CACNA2D3: variants seen among roughly 807,000 people sequenced by gnomAD.
CACNA2D3 encodes the protein voltage-dependent calcium channel subunit alpha-2/delta-3.
In CACNA2D3, 60 loss-of-function variants were observed where a neutral mutation model predicts 160.6. The ratio of observed to expected loss-of-function variants is 0.37; its 90% CI spans 0.30 to 0.46. CACNA2D3 has a LOEUF of 0.46. Ranked by LOEUF, CACNA2D3 falls within the 20% of genes least tolerant of loss-of-function variation. CACNA2D3 has a pLI of 1.00. For synonymous variants in CACNA2D3, 558 were observed against 492.9 expected (o/e 1.13, Z -1.75); for missense variants, 1,205 against 1,365.0 (o/e 0.88, Z 1.85).
At chr3:54,155,795 C>T (rs1700233993) in intron 2 of CACNA2D3, among the ~76,000 whole-genome samples, 1 of 152,146 alleles carries the variant, frequency 6.6e-6, no homozygotes, top group African/African-American at 2.4e-5. Context: ...ACCGTGGGGC[C>T]ATTGAGGAAG....
At position 54,478,504 on chromosome 3, in the gene CACNA2D3, C is replaced by A. The variant is rs1047856047; in HGVS notation, c.382-24988C>A. ...AAAATTAGCCAGGTGTGGTGGCAGG[C>A]GCCTGTAGTCCCAGCTATTAGGGAG... On this transcript the variant is annotated intron_variant, in intron 4 of 37. Coordinates refer to ENST00000474759, the MANE Select transcript of CACNA2D3 (RefSeq NM_018398.3). 5.3e-5 allele frequency among the ~76,000 whole-genome samples: 8 copies of A among 150,926 alleles called. No homozygotes were observed. In the South Asian group the frequency reaches 1.1e-3, roughly 20 times the overall value.
chr3:54,958,060 G>A (rs920488927), intron 27 of CACNA2D3, among the ~76,000 whole-genome samples: 12 of 152,210 alleles, frequency 7.9e-5, no homozygotes, highest in African/African-American at 2.7e-4. Flanking sequence ...ACAAGTGCCT[G>A]CCTGTGCTGG....
chr3:54,414,990 C>G (rs1276100586), intron 4 of CACNA2D3, among the ~76,000 whole-genome samples: 1 of 151,998 alleles, frequency 6.6e-6, no homozygotes, highest in Non-Finnish European at 1.5e-5. Context: ...TTTACATACA[C>G]AGTGTGATTG....
At chr3:54,862,044 G>A (rs897470387) in intron 17 of CACNA2D3, among the ~76,000 whole-genome samples, 9 of 152,126 alleles carry the variant, frequency 5.9e-5, no homozygotes, top group African/African-American at 1.2e-4. Context: ...TCACCTATCC[G>A]GTCGAGAAGA....
chr3:54,280,777 G>T (rs114190670), intron 2 of CACNA2D3, among the ~76,000 whole-genome samples: 2 of 151,990 alleles, frequency 1.3e-5, no homozygotes, highest in East Asian at 3.9e-4. Context: ...ATTCCCTCTC[G>T]CCATCACCTT....
At chr3:54,213,256 G>C (rs1701407685) in intron 2 of CACNA2D3, among the ~76,000 whole-genome samples, 1 of 152,052 alleles carries the variant, frequency 6.6e-6, no homozygotes, top group Admixed American at 6.5e-5. Context: ...AACCTTTTTG[G>C]AAGGCTGTTA....
intron 11 of CACNA2D3, among the ~76,000 whole-genome samples, chr3:54,664,127 G>A (rs1311955941): frequency 6.6e-6 from 1 of 152,220 alleles, no homozygotes; most frequent in Non-Finnish European, 1.5e-5. Flanking sequence ...CATCCCCAAG[G>A]GCCAGCTTCA....
chr3:54,769,339 C>G (rs1381175538), intron 13 of CACNA2D3, among the ~76,000 whole-genome samples: 2 of 152,224 alleles, frequency 1.3e-5, no homozygotes, highest in East Asian at 3.9e-4. Flanking sequence ...TCCACGAGCA[C>G]TTGGCATTAG....
chr3:54,664,756 C>A (rs897243243), intron 11 of CACNA2D3, among the ~76,000 whole-genome samples: 3 of 152,162 alleles, frequency 2.0e-5, no homozygotes, highest in African/African-American at 7.2e-5. Flanking sequence ...AGCAGGGGGA[C>A]TCAGAGGCTG....
chr3:54,870,169 G>C (rs952207337), intron 17 of CACNA2D3, among the ~76,000 whole-genome samples: 15 of 152,118 alleles, frequency 9.9e-5, no homozygotes, highest in Non-Finnish European at 2.1e-4. Context: ...GCACCACAGT[G>C]GTGCAAGATC....
At chr3:55,055,960 A>G (rs1704350215) in intron 35 of CACNA2D3, among the ~76,000 whole-genome samples, 1 of 152,202 alleles carries the variant, frequency 6.6e-6, no homozygotes, top group Non-Finnish European at 1.5e-5. Context: ...ATTGTGTCAA[A>G]CTAAAAAGCT....
At chr3:54,710,848 G>A (rs1197036694) in intron 11 of CACNA2D3, among the ~76,000 whole-genome samples, 1 of 152,142 alleles carries the variant, frequency 6.6e-6, no homozygotes, top group Non-Finnish European at 1.5e-5. Flanking sequence ...CTACCAGTTA[G>A]GAGGATATTA....
At chr3:54,661,812 C>G (rs2106882014) in intron 11 of CACNA2D3, among the ~76,000 whole-genome samples, 1 of 151,112 alleles carries the variant, frequency 6.6e-6, no homozygotes. Context: ...AGGAACAGCC[C>G]TATGGTTCAC....
chr3:54,872,125 C>G (rs1402373384), intron 18 of CACNA2D3, among the ~76,000 whole-genome samples: 1 of 152,152 alleles, frequency 6.6e-6, no homozygotes, highest in Non-Finnish European at 1.5e-5. Context: ...GGTCGGCTGC[C>G]CATTTCCTGT....
In CACNA2D3 at chr3:54,219,916, A is replaced by G. The variant is rs115456778; in HGVS notation, c.204+96322A>G. 3.4e-3 allele frequency among the ~76,000 whole-genome samples: 521 copies of G among 152,198 alleles called. 2 individuals are homozygous for G. Among genetic ancestry groups the G allele is most frequent in the African/African-American group, 0.011 (473 of 41,536 alleles). ...TCTTCTTAATTAAAAAAAAACTACT[A>G]TCTTTCCTTACTAACCGAGAGATAC... On this transcript the variant is annotated intron_variant, in intron 2 of 37. Coordinates refer to ENST00000474759, the MANE Select transcript of CACNA2D3 (RefSeq NM_018398.3).
intron 4 of CACNA2D3, among the ~76,000 whole-genome samples, chr3:54,486,410 C>G (rs1234041660): frequency 1.3e-5 from 2 of 152,150 alleles, no homozygotes; most frequent in African/African-American, 4.8e-5. Context: ...TGCAAGTGTT[C>G]ACTGCAGTGT....
chr3:54,927,687 A>C (rs1418601899), intron 27 of CACNA2D3, among the ~76,000 whole-genome samples: 1 of 152,178 alleles, frequency 6.6e-6, no homozygotes, highest in Non-Finnish European at 1.5e-5. Context: ...CATGCCAACT[A>C]CATATTCATG....
intron 29 of CACNA2D3, among the ~76,000 whole-genome samples, chr3:54,976,056 T>TATAC (rs1163636344): frequency 6.9e-6 from 1 of 144,970 alleles, no homozygotes; most frequent in African/African-American, 2.6e-5. Context: ...TAGATATAGA[T>TATAC]ACACACACAC....
At chr3:54,283,157 A>T (rs1702921031) in intron 2 of CACNA2D3, among the ~76,000 whole-genome samples, 1 of 152,216 alleles carries the variant, frequency 6.6e-6, no homozygotes, top group South Asian at 2.1e-4. Context: ...TTTAGTGAGA[A>T]GTAATGTTGT....
Sources: gnomAD v4.1 joint callset for allele counts (sites outside exome capture counted in the v4.1 genomes callset) on GRCh38, gnomAD v4.1.1 for gene constraint, MANE v1.5 for transcripts, NCBI Gene and HGNC (gene_info 2026-07-23, HGNC 2026-07-21) for gene names.